The following MYT1L variants were observed in gnomAD, a reference collection of about 807,000 sequenced individuals.
MYT1L encodes the protein myelin transcription factor 1 like.
A neutral mutation model predicts 126.7 loss-of-function variants in MYT1L; 12 were observed. The ratio of observed to expected loss-of-function variants is 0.09; its 90% CI spans 0.06 to 0.15. The LOEUF is 0.15. MYT1L is among the 10% of genes least tolerant of loss of function. MYT1L has a pLI of 1.00. For missense variants in MYT1L, 979 were observed against 1,585.2 expected (o/e 0.62, Z 6.49); for synonymous variants, 541 against 604.2 (o/e 0.90, Z 1.53).
At chr2:2,203,139 A>G (rs2093160135) in intron 2 of MYT1L, among the ~76,000 whole-genome samples, 1 of 148,458 alleles carries the variant, frequency 6.7e-6, no homozygotes, top group South Asian at 2.2e-4. Flanking sequence ...AATAAGAGCT[A>G]TTTATGACAA....
In MYT1L at chr2:2,231,961, A is replaced by C. The variant is rs192747258; in HGVS notation, c.-421+52443T>G. On this transcript the variant is annotated intron_variant, in intron 2 of 24. Coordinates refer to ENST00000647738, the MANE Select transcript of MYT1L (RefSeq NM_001303052.2). ...GATTATTGTGGTTCTTCTCAGAGAGATGCACAAGTTCTGTCTGAACTCAAA... is the reference window on the plus strand; with the variant it reads ...GATTATTGTGGTTCTTCTCAGAGAGCTGCACAAGTTCTGTCTGAACTCAAA... Among the ~76,000 whole-genome samples the C allele has an allele frequency of 4.2e-3, 636 of 152,348 alleles. 2 individuals carry two copies. The highest frequency in any genetic ancestry group is 6.1e-3 in the Non-Finnish European group (414 of 68,038).
intron 22 of MYT1L, among the ~76,000 whole-genome samples, chr2:1,804,911 A>G (rs892992666): frequency 6.6e-6 from 1 of 152,206 alleles, no homozygotes; most frequent in Admixed American, 6.5e-5. Context: ...AAAGGAAAGA[A>G]AAAGCATTAT....
At chr2:2,157,091 T>A (rs2086855651) in intron 3 of MYT1L, among the ~76,000 whole-genome samples, 1 of 152,192 alleles carries the variant, frequency 6.6e-6, no homozygotes, top group Admixed American at 6.5e-5. Context: ...ACAGTCTGAA[T>A]GGCTTATTAC....
At chr2:1,931,634 A>G (rs1256778302) in intron 9 of MYT1L, among the ~76,000 whole-genome samples, 1 of 152,042 alleles carries the variant, frequency 6.6e-6, no homozygotes, top group African/African-American at 2.4e-5. Context: ...TACCCAAAAT[A>G]CACTCCCAGC....
intron 3 of MYT1L, among the ~76,000 whole-genome samples, chr2:2,117,108 C>A (rs568818531): frequency 1.3e-5 from 2 of 152,182 alleles, no homozygotes; most frequent in South Asian, 2.1e-4. Flanking sequence ...CCCACCCTTG[C>A]GTTCCCTCTG....
intron 3 of MYT1L, among the ~76,000 whole-genome samples, chr2:2,055,675 C>T (rs955700992): frequency 4.6e-5 from 7 of 152,158 alleles, no homozygotes; most frequent in Non-Finnish European, 8.8e-5. Context: ...TAAAGCAAAA[C>T]AAGTGATTGA....
Position 2,236,757 on chromosome 2 carries a change from T to TTTC in MYT1L, c.-421+47644_-421+47646dup, listed in dbSNP as rs760901038. Reference sequence around the variant, plus strand: ...ACTGGTGAAGACTCATTGGTTGTCCTTTCTTCTTCTTCTTCTTCTTCTTCT... The same window carrying TTTC: ...ACTGGTGAAGACTCATTGGTTGTCCTTTCTTCTTCTTCTTCTTCTTCTTCTTCT... On this transcript the variant is annotated intron_variant, in intron 2 of 24. Coordinates refer to ENST00000647738, the MANE Select transcript of MYT1L (RefSeq NM_001303052.2). Among the ~76,000 whole-genome samples the TTTC allele has an allele frequency of 6.9e-3, 911 of 132,506 alleles. 2 individuals carry two copies. The highest frequency in any genetic ancestry group is 0.012 in the Middle Eastern group (3 of 252). 86.9% of individuals were successfully genotyped at this position (132,506 alleles called of 152,430 possible).
intron 9 of MYT1L, among the ~76,000 whole-genome samples, chr2:1,926,629 C>A (rs1217088086): frequency 6.6e-6 from 1 of 152,210 alleles, no homozygotes; most frequent in Admixed American, 6.5e-5. Context: ...GTGGTGCGAT[C>A]TGAGCTCACT....
chr2:1,812,313 G>T (rs1202927032), intron 21 of MYT1L, among the ~76,000 whole-genome samples: 1 of 152,188 alleles, frequency 6.6e-6, no homozygotes, highest in Non-Finnish European at 1.5e-5. Flanking sequence ...GACTGTGTTT[G>T]TGAAGTTTAA....
chr2:2,191,703 C>T (rs2092597024), intron 2 of MYT1L, among the ~76,000 whole-genome samples: 1 of 152,168 alleles, frequency 6.6e-6, no homozygotes, highest in Non-Finnish European at 1.5e-5. Flanking sequence ...AGAATCAAGA[C>T]CCTTTGAATA....
chr2:2,107,116 G>T (rs1291510863), intron 3 of MYT1L, among the ~76,000 whole-genome samples: 1 of 152,208 alleles, frequency 6.6e-6, no homozygotes, highest in Non-Finnish European at 1.5e-5. Context: ...CCAGGACCTG[G>T]CACACAGTTC....
chr2:2,204,694 G>T (rs2093240793), intron 2 of MYT1L, among the ~76,000 whole-genome samples: 1 of 151,620 alleles, frequency 6.6e-6, no homozygotes, highest in Non-Finnish European at 1.5e-5. Flanking sequence ...CACTGTGGAA[G>T]TCAGTGTGGC....
chr2:2,004,532 T>G (rs961548604), intron 4 of MYT1L, among the ~76,000 whole-genome samples: 2 of 150,466 alleles, frequency 1.3e-5, no homozygotes, highest in African/African-American at 4.9e-5. Flanking sequence ...CCTGCATACG[T>G]TCTTTCCTGC....
chr2:2,030,460 G>C (rs549477277), intron 4 of MYT1L, among the ~76,000 whole-genome samples: 1 of 152,014 alleles, frequency 6.6e-6, no homozygotes, highest in African/African-American at 2.4e-5. Flanking sequence ...TCATTCATTC[G>C]TTCATTTGTT....
intron 15 of MYT1L, among the ~76,000 whole-genome samples, chr2:1,891,614 T>C (rs887384223): frequency 1.3e-5 from 2 of 152,186 alleles, no homozygotes; most frequent in Non-Finnish European, 2.9e-5. Flanking sequence ...CAGGAGTCCA[T>C]AGGCAGATCC....
intron 2 of MYT1L, among the ~76,000 whole-genome samples, chr2:2,251,562 C>T (rs1415482186): frequency 6.6e-6 from 1 of 152,134 alleles, no homozygotes; most frequent in East Asian, 1.9e-4. Context: ...CCAAGGAATG[C>T]ACCCAGTAGG....
chr2:1,890,166 T>C (rs1403046036), intron 15 of MYT1L, among the ~76,000 whole-genome samples: 1 of 151,534 alleles, frequency 6.6e-6, no homozygotes, highest in Non-Finnish European at 1.5e-5. Context: ...ACCTCCCAGG[T>C]TCAAGCAATT....
At chr2:1,892,596 C>T (rs1454251858) in intron 14 of MYT1L, among the ~76,000 whole-genome samples, 1 of 151,320 alleles carries the variant, frequency 6.6e-6, no homozygotes, top group Non-Finnish European at 1.5e-5. Context: ...CACCTGGTCC[C>T]TCGAAAGACA....
chr2:1,870,719 T>C (rs941744850), intron 18 of MYT1L, among the ~76,000 whole-genome samples: 1 of 152,234 alleles, frequency 6.6e-6, no homozygotes, highest in African/African-American at 2.4e-5. Flanking sequence ...TCAGAGCCTA[T>C]GGCACACTGA....
Sources: allele counts gnomAD v4.1 joint callset (sites outside exome capture counted in the v4.1 genomes callset), GRCh38; gene constraint gnomAD v4.1.1; transcripts MANE v1.5; gene names NCBI Gene and HGNC (gene_info 2026-07-23, HGNC 2026-07-21).